Variants in THSD7B observed in about 807,000 individuals in gnomAD.
THSD7B encodes the protein thrombospondin type 1 domain containing 7B.
Under a neutral mutation model 213.6 loss-of-function variants are expected in THSD7B, and 138 were observed. That is an observed-to-expected ratio of 0.65 (90% CI 0.56 to 0.74). THSD7B has a LOEUF of 0.74. THSD7B is among the 30% of genes least tolerant of loss of function. THSD7B has a pLI of 0.00. For missense variants in THSD7B, 1,931 were observed against 1,991.5 expected, an observed-to-expected ratio of 0.97 and a Z score of 0.58; for synonymous variants, 742 against 687.0, an observed-to-expected ratio of 1.08 and a Z score of -1.25.
intron 2 of THSD7B, among the ~76,000 whole-genome samples, chr2:136,999,746 A>AC (rs137866250): frequency 0.053 from 7,982 of 151,964 alleles, 292 homozygotes; most frequent in East Asian, 0.12. Flanking sequence ...CAAATATTGC[A>AC]CCCCCCTTAA....
chr2:136,866,479 A>G (rs914608159), intron 1 of THSD7B, among the ~76,000 whole-genome samples: 1 of 152,194 alleles, frequency 6.6e-6, no homozygotes, highest in African/African-American at 2.4e-5. Context: ...AAGGTCCTTT[A>G]AAAACTTCCT....
intron 14 of THSD7B, among the ~76,000 whole-genome samples, chr2:137,431,246 T>C (rs879603037): frequency 2.6e-5 from 4 of 152,140 alleles, no homozygotes; most frequent in Non-Finnish European, 4.4e-5. Flanking sequence ...AGGCTATAGG[T>C]AAATTTAAAC....
intron 2 of THSD7B, among the ~76,000 whole-genome samples, chr2:136,980,139 C>T (rs1685549747): frequency 6.6e-6 from 1 of 152,206 alleles, no homozygotes; most frequent in Non-Finnish European, 1.5e-5. Context: ...CTGCCTACTC[C>T]TTCCTCTGTG....
intron 15 of THSD7B, among the ~76,000 whole-genome samples, chr2:137,555,017 G>A (rs1017080521): frequency 6.6e-6 from 1 of 152,194 alleles, no homozygotes; most frequent in Non-Finnish European, 1.5e-5. Flanking sequence ...CCATTGTTGA[G>A]GCTTGAGTAG....
At chr2:137,363,881 C>T (rs1269212580) in intron 12 of THSD7B, among the ~76,000 whole-genome samples, 1 of 152,212 alleles carries the variant, frequency 6.6e-6, no homozygotes, top group Non-Finnish European at 1.5e-5. Context: ...TCCCCCCTAA[C>T]TCATTTTATG....
intron 12 of THSD7B, among the ~76,000 whole-genome samples, chr2:137,374,463 T>C (rs1157388490): frequency 6.6e-6 from 1 of 152,222 alleles, no homozygotes; most frequent in Admixed American, 6.5e-5. Context: ...AGTGCAGTTA[T>C]AGAAGGACGT....
chr2:137,045,943 A>G (rs934616892), intron 2 of THSD7B, among the ~76,000 whole-genome samples: 1 of 152,234 alleles, frequency 6.6e-6, no homozygotes, highest in African/African-American at 2.4e-5. Context: ...TTAGGTGCCC[A>G]ATAGAATACA....
chr2:136,935,742 G>A lies in THSD7B; in HGVS notation c.139+53425G>A, dbSNP rs191440328. ...GCTGACGAAGTCTGTCATACTCTGG[G>A]GATTGGTAAGAACCTGGAGAAAGAG... On this transcript the variant is annotated intron_variant, in intron 2 of 27. Coordinates refer to ENST00000409968, the MANE Select transcript of THSD7B (RefSeq NM_001316349.2). Among the ~76,000 whole-genome samples, 1,279 of 152,074 alleles carry A rather than the reference G, an allele frequency of 8.4e-3. 20 individuals carry two copies. Among genetic ancestry groups the A allele is most frequent in the African/African-American group, 0.029 (1,224 of 41,518 alleles).
chr2:137,560,551 G>T (rs547719151), intron 15 of THSD7B, among the ~76,000 whole-genome samples: 2 of 152,022 alleles, frequency 1.3e-5, no homozygotes, highest in Non-Finnish European at 2.9e-5. Context: ...ATCACACACC[G>T]GGGCCTGTTG....
At chr2:136,943,838 C>T (rs964650933) in intron 2 of THSD7B, among the ~76,000 whole-genome samples, 2 of 152,018 alleles carry the variant, frequency 1.3e-5, no homozygotes, top group East Asian at 1.9e-4. Context: ...ACCAGCTCCT[C>T]GATTCATTGA....
At chr2:136,982,550 A>G (rs574135) in intron 2 of THSD7B, among the ~76,000 whole-genome samples, 73,830 of 152,034 alleles carry the variant, frequency 0.49, 19,281 homozygotes, top group Non-Finnish European at 0.59. Flanking sequence ...ATCAGTGAAA[A>G]TAGCCACCAT....
chr2:137,410,028 A>G (rs1435079306), intron 13 of THSD7B, among the ~76,000 whole-genome samples: 1 of 152,140 alleles, frequency 6.6e-6, no homozygotes, highest in Non-Finnish European at 1.5e-5. Flanking sequence ...AGACTGAGAG[A>G]TTCAACAATA....
At chr2:137,074,448 C>T (rs1232622514) in intron 3 of THSD7B, among the ~76,000 whole-genome samples, 3 of 152,128 alleles carry the variant, frequency 2.0e-5, no homozygotes, top group South Asian at 2.1e-4. Context: ...GTAGATCTTC[C>T]TCCATCCCTT....
At chr2:136,954,648 C>A (rs533855310) in intron 2 of THSD7B, among the ~76,000 whole-genome samples, 1 of 137,590 alleles carries the variant, frequency 7.3e-6, no homozygotes, top group South Asian at 2.3e-4. Flanking sequence ...CCCCGGGGAG[C>A]GGAGACTGCA....
intron 12 of THSD7B, among the ~76,000 whole-genome samples, chr2:137,380,257 G>GAA (rs35787240): frequency 0.098 from 14,217 of 145,674 alleles, 795 homozygotes; most frequent in Non-Finnish European, 0.12. Context: ...ACAAAAAATA[G>GAA]AAAAAAAAAA....
chr2:137,494,526 T>C (rs1358676620), intron 15 of THSD7B, among the ~76,000 whole-genome samples: 1 of 152,158 alleles, frequency 6.6e-6, no homozygotes, highest in African/African-American at 2.4e-5. Context: ...TATTTCTGTG[T>C]TCCATTTTCC....
rs970370693 is a variant in THSD7B at position 136,861,099 on chromosome 2, T to C, written c.-35-21045T>C. Among the ~76,000 whole-genome samples the C allele has an allele frequency of 1.6e-4, 25 of 152,236 alleles. 1 individual carries two copies. The highest frequency in any genetic ancestry group is 8.8e-5 in the Non-Finnish European group (6 of 68,052). On this transcript the variant is annotated intron_variant, in intron 1 of 27. Coordinates refer to ENST00000409968, the MANE Select transcript of THSD7B (RefSeq NM_001316349.2). Reference sequence around the variant, plus strand: ...ACCCACTGAATGTGTATTGGAAAATTAATTTACCTTGAATGAGGATATGGG... The same window carrying C: ...ACCCACTGAATGTGTATTGGAAAATCAATTTACCTTGAATGAGGATATGGG...
intron 15 of THSD7B, among the ~76,000 whole-genome samples, chr2:137,454,879 C>CG (rs1425180275): frequency 6.6e-6 from 1 of 152,074 alleles, no homozygotes; most frequent in Non-Finnish European, 1.5e-5. Flanking sequence ...TACCCTACTG[C>CG]ATTTTTACCC....
intron 3 of THSD7B, among the ~76,000 whole-genome samples, chr2:137,066,960 G>T (rs1381882793): frequency 1.3e-5 from 2 of 151,966 alleles, no homozygotes; most frequent in South Asian, 4.1e-4. Context: ...CCTAAACTCC[G>T]TCCAGTCTGT....
Sources: gnomAD v4.1 joint callset for allele counts (sites outside exome capture counted in the v4.1 genomes callset) on GRCh38, gnomAD v4.1.1 for gene constraint, MANE v1.5 for transcripts, NCBI Gene and HGNC (gene_info 2026-07-23, HGNC 2026-07-21) for gene names.